The following MYH13 variants were observed in gnomAD, a reference collection of about 807,000 sequenced individuals.
MYH13 encodes myosin heavy chain 13, also known as myosin-13.
A neutral mutation model predicts 232.1 loss-of-function variants in MYH13; 177 were observed. That is an observed-to-expected ratio of 0.76 (90% CI 0.67 to 0.86). The LOEUF (loss-of-function observed/expected upper bound fraction) is 0.86. Among genes scored for constraint, MYH13 ranks in the 40% least tolerant of loss-of-function variants. The probability of loss-of-function intolerance (pLI) is 0.00; values close to 1 mark genes in which losing one functional copy is unlikely to be tolerated. For missense variants in MYH13, 2,246 were observed against 2,405.9 expected (o/e 0.93, Z 1.39); for synonymous variants, 884 against 923.5 (o/e 0.96, Z 0.78).
intron 12 of MYH13, among the ~76,000 whole-genome samples, chr17:10,348,840 A>G (rs987831438): frequency 6.6e-6 from 1 of 152,032 alleles, no homozygotes; most frequent in Admixed American, 6.6e-5. Flanking sequence ...GACACTCAAG[A>G]TCTTCCCAAA....
intron 24 of MYH13, among the ~76,000 whole-genome samples, chr17:10,321,093 T>A (rs1333276766): frequency 1.3e-5 from 2 of 152,136 alleles, no homozygotes; most frequent in African/African-American, 2.4e-5. Context: ...AGAACAATAA[T>A]GTCATGTGAC....
intron 27 of MYH13, among the ~76,000 whole-genome samples, chr17:10,316,586 T>G (rs984529404): frequency 3.3e-4 from 51 of 152,372 alleles, no homozygotes; most frequent in African/African-American, 1.1e-3. Flanking sequence ...CACTTTTAAG[T>G]GGATCTTTGG....
intron 32 of MYH13, 90 bp downstream of exon 32, chr17:10,311,821 A>T (rs1285799191): frequency 2.1e-6 from 3 of 1,430,002 alleles, no homozygotes; most frequent in Non-Finnish European, 2.9e-6. Flanking sequence ...AGTGGGAAGG[A>T]GGTGTCTGGA....
chr17:10,365,975 C>T (rs2071832857), intron 2 of MYH13, among the ~76,000 whole-genome samples: 1 of 151,616 alleles, frequency 6.6e-6, no homozygotes, highest in African/African-American at 2.4e-5. Flanking sequence ...GCCTTTCTTG[C>T]TCTTCTCTTT....
At chr17:10,363,188 A>G (rs1468047607) in intron 3 of MYH13, among the ~76,000 whole-genome samples, 3 of 151,862 alleles carry the variant, frequency 2.0e-5, no homozygotes, top group African/African-American at 4.8e-5. Context: ...GAGACAGAAA[A>G]TAGGGCAAGA....
intron 21 of MYH13, 133 bp downstream of exon 21, chr17:10,330,254 C>A: frequency 7.7e-7 from 1 of 1,301,412 alleles, no homozygotes; most frequent in Non-Finnish European, 1.0e-6. Context: ...AGGATTGCCG[C>A]TCAGTAGATG....
At chr17:10,340,511 A>G in intron 16 of MYH13, 110 bp from the exon 17 acceptor site, 1 of 787,140 alleles carries the variant, frequency 1.3e-6, no homozygotes, top group Non-Finnish European at 2.0e-6. Flanking sequence ...TTGACATAAG[A>G]GACTTGAGGT....
rs770996440 is a variant in MYH13, at chr17:10,350,545, G to T, written c.1144+11C>A. ...TGGACCCAATCGCATCCCTTTCCCA[G>T]ATGCAGTTACCTTCGGTGCCGTCTG... On this transcript the variant is annotated intron_variant, in intron 12 of 40. Transcript: ENST00000252172. The T allele has an allele frequency of 1.1e-5, 18 of 1,610,842 alleles. No homozygotes were observed. The highest frequency in any genetic ancestry group is 1.4e-5 in the Non-Finnish European group (17 of 1,179,134).
chr17:10,300,950 C>G lies in MYH13; in HGVS notation c.*1G>C, dbSNP rs768244908. ...CCATGGCAACGAGCATCAGGTGAGC[C>G]TCATTCTTCCATCTTCTGTGGGAGA... On this transcript the variant is annotated 3_prime_UTR_variant, in exon 41 of 41. Transcript: ENST00000252172. 6.2e-7 allele frequency: 1 copy of G among 1,612,920 alleles called. No homozygotes were observed. The highest frequency in any genetic ancestry group is 8.5e-7 in the Non-Finnish European group (1 of 1,179,274).
chr17:10,339,666 C>T (rs552668245), intron 18 of MYH13, among the ~76,000 whole-genome samples: 15 of 152,216 alleles, frequency 9.9e-5, no homozygotes, highest in Admixed American at 5.2e-4. Context: ...AATATGATTT[C>T]GTAGTAGGGG....
In MYH13 at chr17:10,354,883, C is replaced by T; in HGVS notation, c.901+12G>A. ...CGATTTGGAACATAAGAAAGGTATTCCAAGAGCTTACCAATTAGTTCTGGC... is the reference window on the plus strand; with the variant it reads ...CGATTTGGAACATAAGAAAGGTATTTCAAGAGCTTACCAATTAGTTCTGGC... On this transcript the variant is annotated intron_variant, in intron 10 of 40. Transcript: ENST00000252172. 1 of 1,593,848 alleles carries T rather than the reference C, an allele frequency of 6.3e-7. No homozygotes were observed.
At position 10,350,702 on chromosome 17, in the gene MYH13, GA is replaced by G. The variant is rs748968894; in HGVS notation, c.1006-9del. On this transcript the variant is annotated splice_polypyrimidine_tract_variant and intron_variant, in intron 11 of 40. Coordinates refer to ENST00000252172, the MANE Select transcript of MYH13 (RefSeq NM_003802.3). ...CAGGATGTCAATGGCATTCTGGAAA[GA>G]AAAAAAGGACAACTGTCATAGCAGG... 4.7e-5 allele frequency: 76 copies of G among 1,611,406 alleles called. No individual in the cohort carries two copies. The highest frequency in any genetic ancestry group is 6.1e-5 in the Non-Finnish European group (72 of 1,179,318).
chr17:10,309,654 G>T lies in MYH13; in HGVS notation c.4833C>A (p.Ser1611Arg). 2 of 1,611,330 alleles carry T rather than the reference G, an allele frequency of 1.2e-6. No homozygotes were observed. Among genetic ancestry groups the T allele is most frequent in the Non-Finnish European group, 1.7e-6 (2 of 1,178,788 alleles). The change falls in exon 34 of 41, where the codon AGC becomes AGA. Residue 1611 changes from serine (S) to arginine (R), a missense_variant. Transcript: ENST00000252172. ...TCTTTAGCCTCAGGGCGTCGTTCCG[G>T]CTGCGGATTTCAGCATCCAGCACGC... ...LQSVLDAEIR[S>R]RNDALRLKKK...
chr17:10,318,098 C>T (rs1906781474), intron 27 of MYH13, among the ~76,000 whole-genome samples: 1 of 152,098 alleles, frequency 6.6e-6, no homozygotes, highest in African/African-American at 2.4e-5. Flanking sequence ...AAAAATTAGC[C>T]AGGCCTGGTG....
chr17:10,357,977 C>A, intron 7 of MYH13, 150 bp from the exon 8 acceptor site: 4 of 603,674 alleles, frequency 6.6e-6, no homozygotes, highest in Non-Finnish European at 1.2e-5. Flanking sequence ...CACGCCCCCA[C>A]CCCCACCAGA....
chr17:10,316,152 A>C, intron 27 of MYH13, 127 bp from the exon 28 acceptor site: 1 of 1,285,478 alleles, frequency 7.8e-7, no homozygotes. Context: ...GAACAAAAAA[A>C]AGTTCAGTTT....
In MYH13 at chr17:10,301,534, T is replaced by C. The variant is rs1158107608; in HGVS notation, c.5802+35A>G. 3 of 1,613,068 alleles carry C rather than the reference T, an allele frequency of 1.9e-6. No homozygotes were observed. In the East Asian group the frequency reaches 6.7e-5, roughly 36 times the overall value. On this transcript the variant is annotated intron_variant, in intron 40 of 40. Transcript: ENST00000252172. Reference sequence around the variant, plus strand: ...GGCCCCCATATTCAATATCTGTTCTTAGCTGGCCCCTATATCTCAGGTACC... The same window carrying C: ...GGCCCCCATATTCAATATCTGTTCTCAGCTGGCCCCTATATCTCAGGTACC...
At chr17:10,323,691 G>A (rs990094954) in intron 23 of MYH13, among the ~76,000 whole-genome samples, 7 of 149,470 alleles carry the variant, frequency 4.7e-5, no homozygotes, top group African/African-American at 1.2e-4. Flanking sequence ...CCTGGGAGGC[G>A]GAGGTTGCAG....
At chr17:10,371,104 C>T (rs750224191) in intron 2 of MYH13, 105 bp downstream of exon 2, 10 of 152,156 alleles carry the variant, frequency 6.6e-5, no homozygotes, top group Non-Finnish European at 1.3e-4. Flanking sequence ...GTTTCAAACT[C>T]ATCAATTTCG....
Sources: gnomAD v4.1 joint callset for allele counts (sites outside exome capture counted in the v4.1 genomes callset) on GRCh38, gnomAD v4.1.1 for gene constraint, MANE v1.5 for transcripts, NCBI Gene and HGNC (gene_info 2026-07-23, HGNC 2026-07-21) for gene names.